Variants in FHOD3 observed in about 807,000 individuals in gnomAD.
The protein encoded by FHOD3 is FH1/FH2 domain-containing protein 3.
Under a neutral mutation model 173.0 loss-of-function variants are expected in FHOD3, and 90 were observed. The observed-to-expected ratio is 0.52, with a 90% CI of 0.44 to 0.62. The LOEUF is 0.62. FHOD3 is among the 20% of genes least tolerant of loss of function. The probability of loss-of-function intolerance (pLI) is 0.00; values close to 1 mark genes in which losing one functional copy is unlikely to be tolerated. For synonymous variants in FHOD3, 828 were observed against 823.0 expected, an observed-to-expected ratio of 1.01 and a Z score of -0.10; for missense variants, 1,945 against 2,034.7, an observed-to-expected ratio of 0.96 and a Z score of 0.85.
chr18:36,664,770 G>A (rs72897515), intron 14 of FHOD3, among the ~76,000 whole-genome samples: 5,602 of 140,768 alleles, frequency 0.04, 160 homozygotes, highest in Middle Eastern at 0.078. Context: ...AGGGGTGTGT[G>A]TGTATGTGAG....
At chr18:36,694,972 C>CATGG (rs2039178530) in intron 17 of FHOD3, among the ~76,000 whole-genome samples, 1 of 118,066 alleles carries the variant, frequency 8.5e-6, no homozygotes, top group Admixed American at 8.4e-5. Flanking sequence ...TTCATGTATA[C>CATGG]GTGGGTGTGT....
chr18:36,450,260 C>G (rs532440359), intron 3 of FHOD3, among the ~76,000 whole-genome samples: 11 of 152,190 alleles, frequency 7.2e-5, no homozygotes, highest in African/African-American at 2.6e-4. Context: ...CTACTTCTGA[C>G]GAGCAGCCAG....
intron 3 of FHOD3, among the ~76,000 whole-genome samples, chr18:36,435,097 T>G (rs2050744285): frequency 7.8e-6 from 1 of 127,864 alleles, no homozygotes; most frequent in Non-Finnish European, 1.7e-5. Flanking sequence ...TAAATTTCAC[T>G]GGACTTTTTT....
chr18:36,729,182 G>T (rs1330752337), intron 19 of FHOD3, among the ~76,000 whole-genome samples: 1 of 152,154 alleles, frequency 6.6e-6, no homozygotes. Context: ...TGTGTCTTCA[G>T]GAGATCCACA....
At chr18:36,529,424 A>G (rs2056680221) in intron 5 of FHOD3, among the ~76,000 whole-genome samples, 1 of 151,428 alleles carries the variant, frequency 6.6e-6, no homozygotes, top group Non-Finnish European at 1.5e-5. Flanking sequence ...GCTTCATTGA[A>G]TAAGTGCATC....
intron 10 of FHOD3, among the ~76,000 whole-genome samples, chr18:36,645,129 T>C (rs776574018): frequency 6.6e-6 from 1 of 151,494 alleles, no homozygotes; most frequent in Non-Finnish European, 1.5e-5. Context: ...TGTATGAGGG[T>C]ATACTATGCC....
rs2043967870 is a variant in FHOD3 at position 36,780,130 on chromosome 18, A to G, written c.*600A>G. 1 of 1,232,146 alleles carries G rather than the reference A, an allele frequency of 8.1e-7. No individual in the cohort carries two copies. Among genetic ancestry groups the G allele is most frequent in the Admixed American group, 4.2e-5 (1 of 23,736 alleles). The allele number at this position is 1,232,146 out of a possible 1,614,324, so 76.3% of individuals were successfully genotyped here. On this transcript the variant is annotated 3_prime_UTR_variant, in exon 29 of 29. Coordinates refer to ENST00000590592, the MANE Select transcript of FHOD3 (RefSeq NM_001281740.3). ...CAGGCTCGCCTCTTCAGAATGGCAAAACTCTTCTCAGTGTCCTCAGAAGCA... is the reference window on the plus strand; with the variant it reads ...CAGGCTCGCCTCTTCAGAATGGCAAGACTCTTCTCAGTGTCCTCAGAAGCA...
At chr18:36,525,537 T>C (rs1232806889) in intron 5 of FHOD3, among the ~76,000 whole-genome samples, 1 of 152,188 alleles carries the variant, frequency 6.6e-6, no homozygotes, top group Admixed American at 6.5e-5. Context: ...CCAAGCAATT[T>C]GTTATACAGA....
At chr18:36,502,913 T>C (rs922039650) in intron 4 of FHOD3, among the ~76,000 whole-genome samples, 1 of 152,202 alleles carries the variant, frequency 6.6e-6, no homozygotes, top group African/African-American at 2.4e-5. Context: ...ATGGGATAGG[T>C]GTAGGCATAG....
chr18:36,303,725 A>G (rs1018710198), intron 1 of FHOD3, among the ~76,000 whole-genome samples: 1 of 151,884 alleles, frequency 6.6e-6, no homozygotes, highest in African/African-American at 2.4e-5. Context: ...GCTCCAGGCA[A>G]CCTCCACACC....
intron 10 of FHOD3, among the ~76,000 whole-genome samples, chr18:36,646,225 C>A (rs1459431811): frequency 6.6e-6 from 1 of 151,522 alleles, no homozygotes; most frequent in Non-Finnish European, 1.5e-5. Context: ...GCAAAATTTA[C>A]AAAAAGTTTA....
chr18:36,429,220 C>G (rs2050404744), intron 3 of FHOD3, among the ~76,000 whole-genome samples: 1 of 152,184 alleles, frequency 6.6e-6, no homozygotes, highest in African/African-American at 2.4e-5. Context: ...GAGTGAGACA[C>G]TGGGCTTCCT....
chr18:36,384,970 C>G (rs1005719879), intron 3 of FHOD3, among the ~76,000 whole-genome samples: 1 of 151,888 alleles, frequency 6.6e-6, no homozygotes, highest in African/African-American at 2.4e-5. Flanking sequence ...AGAACACCAT[C>G]AAAATTTGAT....
chr18:36,375,026 T>C (rs1313885568), intron 3 of FHOD3, among the ~76,000 whole-genome samples: 1 of 152,202 alleles, frequency 6.6e-6, no homozygotes, highest in Non-Finnish European at 1.5e-5. Flanking sequence ...TTTCCTACTA[T>C]TAGCAAGATC....
chr18:36,676,643 C>G (rs917727360), intron 14 of FHOD3, among the ~76,000 whole-genome samples: 1 of 152,088 alleles, frequency 6.6e-6, no homozygotes, highest in Admixed American at 6.5e-5. Context: ...CTTCTAGAAG[C>G]AGTGTATGAG....
At chr18:36,561,060 A>G (rs1272608125) in intron 5 of FHOD3, among the ~76,000 whole-genome samples, 1 of 152,060 alleles carries the variant, frequency 6.6e-6, no homozygotes, top group African/African-American at 2.4e-5. Flanking sequence ...TGTGATATCT[A>G]AGATGTTTTT....
In FHOD3 at chr18:36,693,382, C is replaced by T. The variant is rs527769846; in HGVS notation, c.2195C>T (p.Thr732Met). 1.4e-4 allele frequency: 219 copies of T among 1,613,840 alleles called. No individual in the cohort carries two copies. The highest frequency in any genetic ancestry group is 4.9e-4 in the South Asian group (45 of 91,036). ...PSSSDSQEAL[T>M]VSASSPGTPH... Reference sequence around the variant, plus strand: ...TCTTCAGACTCTCAAGAGGCTCTCACGGTGTCTGCCTCCTCCCCAGGAACC... The same window carrying T: ...TCTTCAGACTCTCAAGAGGCTCTCATGGTGTCTGCCTCCTCCCCAGGAACC... Residue 732 changes from threonine to methionine, a missense_variant, in exon 17 of 29, where the codon ACG becomes ATG. Thr to Met is a moderately conservative substitution (Grantham distance 81). Coordinates refer to ENST00000590592, the MANE Select transcript of FHOD3 (RefSeq NM_001281740.3).
chr18:36,700,089 T>G (rs577447851), intron 17 of FHOD3, among the ~76,000 whole-genome samples: 9 of 152,302 alleles, frequency 5.9e-5, no homozygotes, highest in Non-Finnish European at 4.4e-5. Flanking sequence ...TCTTCTGCCT[T>G]TTCACTACGT....
chr18:36,550,268 G>C (rs1287948213), intron 5 of FHOD3, among the ~76,000 whole-genome samples: 6 of 71,296 alleles, frequency 8.4e-5, no homozygotes, highest in Admixed American at 7.7e-4. Context: ...ATATATATAT[G>C]GGTCTGTTTC....
Sources: allele counts gnomAD v4.1 joint callset (sites outside exome capture counted in the v4.1 genomes callset), GRCh38; gene constraint gnomAD v4.1.1; transcripts MANE v1.5; gene names NCBI Gene and HGNC (gene_info 2026-07-23, HGNC 2026-07-21).